Variants in ILDR2 observed in about 807,000 individuals in gnomAD.
The protein encoded by ILDR2 is immunoglobulin-like domain-containing receptor 2.
ILDR2 carries 25 observed loss-of-function variants against 66.8 expected under a neutral mutation model. The observed-to-expected ratio is 0.37, with a 90% CI of 0.27 to 0.52. ILDR2 has a LOEUF of 0.52. Among genes scored for constraint, ILDR2 ranks in the 20% least tolerant of loss-of-function variants. ILDR2 has a pLI of 0.88. For missense variants in ILDR2, 827 were observed against 876.8 expected (o/e 0.94, Z 0.72); for synonymous variants, 367 against 357.2 (o/e 1.03, Z -0.31).
At chr1:166,935,583 T>A (rs1660902292) in intron 5 of ILDR2, 106 bp from the exon 6 acceptor site, 1 of 981,636 alleles carries the variant, frequency 1.0e-6, no homozygotes, top group Admixed American at 2.9e-5. Flanking sequence ...TGGATGTGTG[T>A]ATGTGCATGT....
Position 166,911,351 on chromosome 1 carries a change from A to G in ILDR2, c.*8004T>C, listed in dbSNP as rs1362568305. 1 of 152,174 alleles carries G rather than the reference A, an allele frequency of 6.6e-6. No homozygotes were observed. The allele number at this position is 152,174 out of a possible 1,614,324, so 9.4% of individuals were successfully genotyped here. A position where few individuals can be genotyped will look rare whatever the true frequency, so the allele number is the denominator to read the frequency against. The stretch of plus-strand genomic sequence containing the variant: ...AGCACACTTACTTCTTCCTTACTCA[A>G]TCATTCACTCTTCCTGGCTTCCCCA... On this transcript the variant is annotated 3_prime_UTR_variant, in exon 10 of 10. Transcript: ENST00000271417.
chr1:166,939,587 G>A lies in ILDR2; in HGVS notation c.500-17C>T. The A allele has an allele frequency of 6.2e-7, 1 of 1,612,736 alleles. No homozygotes were observed. Among genetic ancestry groups the A allele is most frequent in the Non-Finnish European group, 8.5e-7 (1 of 1,178,758 alleles). On this transcript the variant is annotated splice_polypyrimidine_tract_variant and intron_variant, in intron 3 of 9. Coordinates refer to ENST00000271417, the MANE Select transcript of ILDR2 (RefSeq NM_199351.3). Reference sequence around the variant, plus strand: ...CTGTCCTGCCTAGAAGAAGTGGAAGGAAAAGAAGAAGGAAAGTGGTTATTC... The same window carrying A: ...CTGTCCTGCCTAGAAGAAGTGGAAGAAAAAGAAGAAGGAAAGTGGTTATTC...
At position 166,957,924 on chromosome 1, in the gene ILDR2, G is replaced by A; in HGVS notation, c.224C>T (p.Thr75Ile). ...RMGESLGMSS[T>I]RAQSLSKRNL... ...TCTCTTGCTGAGAGATTGGGCCCGG[G>A]TAGAGGACATGCCCAAGGATTCTCC... Residue 75 changes from threonine (T) to isoleucine (I), a missense_variant, in exon 2 of 10, where the codon ACC (threonine) becomes ATC (isoleucine). This residue lies in a region of ILDR2 where 437 missense variants were observed against 523.2 expected (regional missense o/e 0.84). Transcript: ENST00000271417. 1 of 1,614,184 alleles carries A rather than the reference G, an allele frequency of 6.2e-7. No homozygotes were observed. The highest frequency in any genetic ancestry group is 2.2e-5 in the East Asian group (1 of 44,868).
intron 3 of ILDR2, among the ~76,000 whole-genome samples, chr1:166,954,517 G>C (rs562200411): frequency 1.3e-5 from 2 of 152,206 alleles, no homozygotes; most frequent in South Asian, 4.1e-4. Context: ...ATCATGTTTT[G>C]AACATCTCTA....
chr1:166,951,756 A>T (rs1234617308), intron 3 of ILDR2, among the ~76,000 whole-genome samples: 2 of 152,210 alleles, frequency 1.3e-5, no homozygotes, highest in African/African-American at 4.8e-5. Flanking sequence ...CCAAAAAACC[A>T]TCTTGTTTAT....
chr1:166,896,433 A>G (rs1479890994), intron 2 of ILDR2, among the ~76,000 whole-genome samples: 2 of 152,102 alleles, frequency 1.3e-5, no homozygotes, highest in Non-Finnish European at 1.5e-5. Context: ...GGCTTGTGCT[A>G]TTGAACAAGA....
chr1:166,936,520 A>G lies in ILDR2; in HGVS notation c.703+71T>C. ...AGGAGGTGGAGGAGGAACCCAGCGC[A>G]CACAGCTGTCAGGTAGAGAGGTAGA... is the stretch of plus-strand genomic sequence containing the variant. On this transcript the variant is annotated intron_variant, in intron 5 of 9. Coordinates refer to ENST00000271417, the MANE Select transcript of ILDR2 (RefSeq NM_199351.3). The surrounding 1 kb of genome is among the most constrained non-coding windows in gnomAD (Gnocchi z 5.0). The G allele has an allele frequency of 6.2e-7, 1 of 1,603,870 alleles. No homozygotes were observed. The highest frequency in any genetic ancestry group is 2.2e-5 in the East Asian group (1 of 44,646).
chr1:166,957,705 G>A (rs1662364954), intron 2 of ILDR2, 64 bp downstream of exon 2: 9 of 1,366,330 alleles, frequency 6.6e-6, no homozygotes, highest in Non-Finnish European at 9.2e-6. Context: ...ATTGACATAA[G>A]GGAAGGGAAG....
At chr1:166,969,624 A>G (rs988710223) in intron 1 of ILDR2, among the ~76,000 whole-genome samples, 1 of 152,152 alleles carries the variant, frequency 6.6e-6, no homozygotes, top group African/African-American at 2.4e-5. Context: ...TTAGGATTTC[A>G]TTACGAAAAA....
rs1270752510 is a variant in ILDR2, at chr1:166,908,398, C to T, written c.*10957G>A. 1.3e-5 allele frequency: 2 copies of T among 152,178 alleles called. No individual in the cohort carries two copies. The highest frequency in any genetic ancestry group is 2.1e-4 in the South Asian group (1 of 4,828). The allele number at this position is 152,178 out of a possible 1,614,324, so 9.4% of individuals were successfully genotyped here. ...CTAATTCCATCATAAGAGCTCCACC[C>T]TACTGACCTAATCACCTCCCAAAGG... On this transcript the variant is annotated 3_prime_UTR_variant, in exon 10 of 10. Coordinates refer to ENST00000271417, the MANE Select transcript of ILDR2 (RefSeq NM_199351.3).
intron 3 of ILDR2, 106 bp downstream of exon 3, chr1:166,956,627 G>A: frequency 8.1e-7 from 1 of 1,241,476 alleles, no homozygotes; most frequent in Non-Finnish European, 1.1e-6. Flanking sequence ...ATAAGACTGT[G>A]TATGCAACCT....
At chr1:166,968,671 G>A (rs1378434290) in intron 1 of ILDR2, among the ~76,000 whole-genome samples, 1 of 152,156 alleles carries the variant, frequency 6.6e-6, no homozygotes, top group Non-Finnish European at 1.5e-5. Context: ...AATGGGTTGT[G>A]AGCAGATGTG....
At chr1:166,908,142 T>C (rs888930880), downstream of ILDR2, 1 of 152,242 alleles carries the variant, frequency 6.6e-6, no homozygotes, top group Non-Finnish European at 1.5e-5. Context: ...TGGATAGGTG[T>C]CTTAGTCACT....
In ILDR2 at chr1:166,927,107, C is replaced by G; in HGVS notation, c.954G>C (p.Glu318Asp). ...TTCTGGCTGGATCAAACTGAGCCAG[C>G]TCCTTCTCAACATAGTACAGGACCT... ...SMKVLYYVEK[E>D]LAQFDPARRM... The change falls in exon 7 of 10, where the codon GAG becomes GAC. Residue 318 changes from glutamate to aspartate, a missense_variant. This residue lies in a region of ILDR2 where 437 missense variants were observed against 523.2 expected (regional missense o/e 0.84). Transcript: ENST00000271417. The G allele has an allele frequency of 1.2e-6, 2 of 1,613,426 alleles. No homozygotes were observed. The highest frequency in any genetic ancestry group is 1.7e-6 in the Non-Finnish European group (2 of 1,179,702).
chr1:166,901,156 C>G (rs1273380448), intron 2 of ILDR2, among the ~76,000 whole-genome samples: 1 of 152,190 alleles, frequency 6.6e-6, no homozygotes, highest in Non-Finnish European at 1.5e-5. Flanking sequence ...GGGGCTCACA[C>G]TCTGTATATC....
intron 3 of ILDR2, among the ~76,000 whole-genome samples, chr1:166,943,005 C>G (rs542072879): frequency 6.6e-6 from 1 of 152,322 alleles, no homozygotes; most frequent in African/African-American, 2.4e-5. Context: ...CCTGAAGCAA[C>G]AGTCAATATC....
chr1:166,920,499 C>A (rs1659846506), intron 9 of ILDR2, among the ~76,000 whole-genome samples: 2 of 152,232 alleles, frequency 1.3e-5, no homozygotes, highest in African/African-American at 4.8e-5. Context: ...TTGCTTCCTT[C>A]CTTCATCTGG....
chr1:166,936,836 G>A lies in ILDR2; in HGVS notation c.557-99C>T. The A allele has an allele frequency of 3.5e-6, 4 of 1,150,980 alleles. No individual in the cohort carries two copies. The highest frequency in any genetic ancestry group is 5.0e-6 in the Non-Finnish European group (4 of 793,684). 71.3% of individuals were successfully genotyped at this position (1,150,980 alleles called of 1,614,324 possible). A position where few individuals can be genotyped will look rare whatever the true frequency, so the allele number is the denominator to read the frequency against. On this transcript the variant is annotated intron_variant, in intron 4 of 9. Coordinates refer to ENST00000271417, the MANE Select transcript of ILDR2 (RefSeq NM_199351.3). This position sits in a 1 kb window ranked among gnomAD's most constrained non-coding sequence, Gnocchi z 5.0. ...TCCCGGTGAAAGGGGGAGAGGAGGAGGGACCTAGGGAAGAAAGCTTCTCTT... is the reference window on the plus strand; with the variant it reads ...TCCCGGTGAAAGGGGGAGAGGAGGAAGGACCTAGGGAAGAAAGCTTCTCTT...
At chr1:166,963,876 A>G (rs1662773120) in intron 1 of ILDR2, among the ~76,000 whole-genome samples, 1 of 152,294 alleles carries the variant, frequency 6.6e-6, no homozygotes, top group African/African-American at 2.4e-5. Flanking sequence ...AAACAAGCAC[A>G]CGCTGGTACA....
Sources: gnomAD v4.1 joint callset for allele counts (sites outside exome capture counted in the v4.1 genomes callset) on GRCh38, gnomAD v4.1.1 for gene constraint, gnomAD v4.1.1 regional missense constraint, Gnocchi (gnomAD v3.1) non-coding constraint, MANE v1.5 for transcripts, NCBI Gene and HGNC (gene_info 2026-07-23, HGNC 2026-07-21) for gene names.